THRA: variants seen among roughly 807,000 people sequenced by gnomAD.
The protein encoded by THRA is thyroid hormone receptor alpha, also known as EAR-7.
A neutral mutation model predicts 45.0 loss-of-function variants in THRA; 13 were observed. That is an observed-to-expected ratio of 0.29 (90% confidence interval 0.19 to 0.46). The LOEUF (loss-of-function observed/expected upper bound fraction) is 0.46. Among genes scored for constraint, THRA ranks in the 20% least tolerant of loss-of-function variants. THRA has a pLI of 1.00. For synonymous variants in THRA, 195 were observed against 214.0 expected, an observed-to-expected ratio of 0.91 and a Z score of 0.78; for missense variants, 278 against 556.1, an observed-to-expected ratio of 0.50 and a Z score of 5.03.
chr17:40,063,951 T>G (rs1986461021), intron 1 of THRA, among the ~76,000 whole-genome samples: 1 of 124,388 alleles, frequency 8.0e-6, no homozygotes, highest in Non-Finnish European at 1.7e-5. Flanking sequence ...GCCAGTGAGG[T>G]GGGAGCCTGC....
rs1033585080 is a variant in THRA at position 40,084,740 on chromosome 17, G to C, written c.501G>C (p.Leu167=). Residue 167 remains leucine, a synonymous_variant, in exon 6 of 9, where the codon CTG becomes CTC. Coordinates refer to ENST00000450525, the MANE Select transcript of THRA (RefSeq NM_199334.5). Reference sequence around the variant, plus strand: ...AGCCCACTCCTGAAGAGTGGGATCTGATCCACATTGCCACAGAGGCCCATC... The same window carrying C: ...AGCCCACTCCTGAAGAGTGGGATCTCATCCACATTGCCACAGAGGCCCATC... The part of the protein sequence containing the change: ...RPEPTPEEWD[L]IHIATEAHRS... 6.2e-7 allele frequency: 1 copy of C among 1,613,986 alleles called. No individual in the cohort carries two copies. Among genetic ancestry groups the C allele is most frequent in the African/African-American group, 1.3e-5 (1 of 74,904 alleles).
In THRA at chr17:40,074,331, T is replaced by G; in HGVS notation, c.-158T>G. On this transcript the variant is annotated 5_prime_UTR_variant, in exon 2 of 9. An upstream start codon of the reference 5' UTR is lost. Coordinates refer to ENST00000450525, the MANE Select transcript of THRA (RefSeq NM_199334.5). ...CCCGCCCCCCTTGGGGCGCAGGGCA[T>G]GGTGTGAAAGGCCAAGTGCTGAGGC... 4.4e-5 allele frequency: 32 copies of G among 730,580 alleles called. No individual in the cohort carries two copies. Among genetic ancestry groups the G allele is most frequent in the Non-Finnish European group, 6.2e-5 (27 of 432,516 alleles). The allele number at this position is 730,580 out of a possible 1,614,324, so 45.3% of individuals were successfully genotyped here.
intron 5 of THRA, 159 bp from the exon 6 acceptor site, chr17:40,084,451 G>A (rs185395960): frequency 2.9e-5 from 21 of 734,084 alleles, no homozygotes; most frequent in Admixed American, 1.5e-4. Flanking sequence ...ATCATGATCC[G>A]GGTTGTGCTG....
chr17:40,087,900 A>C (rs12453017), intron 7 of THRA, among the ~76,000 whole-genome samples: 1 of 152,080 alleles, frequency 6.6e-6, no homozygotes, highest in East Asian at 1.9e-4. Flanking sequence ...CTGGGACTAC[A>C]GGCATGTGCC....
chr17:40,084,942 C>CT (rs1438130343), intron 6 of THRA, 127 bp downstream of exon 6: 1 of 1,015,920 alleles, frequency 9.8e-7, no homozygotes, highest in African/African-American at 1.6e-5. Context: ...ACTCTTCACA[C>CT]TTTTGCTGTC....
chr17:40,093,787 C>T, downstream of THRA: 1 of 814,740 alleles, frequency 1.2e-6, no homozygotes, highest in South Asian at 1.6e-5. This position sits in a 1 kb window ranked among gnomAD's most constrained non-coding sequence, Gnocchi z 5.9. Context: ...TAGACTGTGT[C>T]TGAATCATGT....
In THRA at chr17:40,091,087, T is replaced by C. The variant is rs1351425911; in HGVS notation, c.*1631T>C. On this transcript the variant is annotated 3_prime_UTR_variant, in exon 9 of 9. Coordinates refer to ENST00000450525, the MANE Select transcript of THRA (RefSeq NM_199334.5). ...GCAGGGATGGATGGGTGGACACAGA[T>C]GCCCCCGGAAGCCATGGGGATTGGG... The C allele has an allele frequency of 9.1e-6, 1 of 109,682 alleles. No individual in the cohort carries two copies. Among genetic ancestry groups the C allele is most frequent in the East Asian group, 3.2e-4 (1 of 3,094 alleles). The allele number at this position is 109,682 out of a possible 1,614,324, so 6.8% of individuals were successfully genotyped here.
rs375477018 is a variant in THRA at position 40,074,577 on chromosome 17, A to C, written c.53+36A>C. On this transcript the variant is annotated intron_variant, in intron 2 of 8. Transcript: ENST00000450525. ...CAGCAACTAGGTCATGCCAACTCCT[A>C]AGCAGCAGGCATGGGCACCTGGCTG... 3 of 1,612,054 alleles carry C rather than the reference A, an allele frequency of 1.9e-6. No homozygotes were observed. The African/African-American group carries it at 4.0e-5, about 22-fold the overall frequency.
Position 40,092,373 on chromosome 17 carries a change from C to G in THRA, c.*2917C>G, listed in dbSNP as rs1987605999. Reference sequence around the variant, plus strand: ...CTACTGAATGTATGAGAAGCTGGTGCTGGGCTGGGGGGAGGGGGGTTGTGG... The same window carrying G: ...CTACTGAATGTATGAGAAGCTGGTGGTGGGCTGGGGGGAGGGGGGTTGTGG... On this transcript the variant is annotated 3_prime_UTR_variant, in exon 9 of 9. Coordinates refer to ENST00000450525, the MANE Select transcript of THRA (RefSeq NM_199334.5). The G allele has an allele frequency of 7.3e-6, 1 of 136,898 alleles. No individual in the cohort carries two copies. Among genetic ancestry groups the G allele is most frequent in the Admixed American group, 7.3e-5 (1 of 13,706 alleles). The allele number at this position is 136,898 out of a possible 1,614,324, so 8.5% of individuals were successfully genotyped here. A position where few individuals can be genotyped will look rare whatever the true frequency, so the allele number is the denominator to read the frequency against.
In THRA at chr17:40,074,216, C is replaced by T. The variant is rs1434091543; in HGVS notation, c.-273C>T. ...GGGATCTCTGGACAGGACAAGACTC[C>T]GAAGCTACTCCCCCAGCACACAGCC... is the stretch of plus-strand genomic sequence containing the variant. On this transcript the variant is annotated 5_prime_UTR_variant, in exon 2 of 9. Transcript: ENST00000450525. The T allele has an allele frequency of 4.1e-6, 2 of 493,274 alleles. No homozygotes were observed. Among genetic ancestry groups the T allele is most frequent in the Non-Finnish European group, 7.5e-6 (2 of 268,258 alleles). The allele number at this position is 493,274 out of a possible 1,614,324, so 30.6% of individuals were successfully genotyped here.
intron 1 of THRA, among the ~76,000 whole-genome samples, chr17:40,068,095 G>T (rs1309399080): frequency 6.6e-6 from 1 of 152,232 alleles, no homozygotes; most frequent in African/African-American, 2.4e-5. Flanking sequence ...AAGGTGTCTA[G>T]GGGACTTTGG....
At chr17:40,084,003 GAATA>G in intron 5 of THRA, 21 bp downstream of exon 5, 2 of 1,595,374 alleles carry the variant, frequency 1.3e-6, no homozygotes, top group South Asian at 1.1e-5. Flanking sequence ...CAGGTGGAGG[GAATA>G]GAGCCAGGTG....
intron 1 of THRA, among the ~76,000 whole-genome samples, chr17:40,073,059 A>C (rs1268867111): frequency 6.6e-6 from 1 of 152,086 alleles, no homozygotes; most frequent in African/African-American, 2.4e-5. Context: ...CAATCCCCTG[A>C]CTTATCTCCC....
chr17:40,089,129 A>C lies in THRA; in HGVS notation c.983-77A>C, dbSNP rs1598398583. The C allele has an allele frequency of 2.1e-6, 3 of 1,422,350 alleles. No individual in the cohort carries two copies. The highest frequency in any genetic ancestry group is 1.2e-5 in the South Asian group (1 of 81,664). The allele number at this position is 1,422,350 out of a possible 1,614,324, so 88.1% of individuals were successfully genotyped here. Reference sequence around the variant, plus strand: ...ATCTCCCCTCTAGTCCTTTCTTCCCACGTCCCCACACCTCACCCTCCCCAT... The same window carrying C: ...ATCTCCCCTCTAGTCCTTTCTTCCCCCGTCCCCACACCTCACCCTCCCCAT... On this transcript the variant is annotated intron_variant, in intron 8 of 8. Transcript: ENST00000450525. This position sits in a 1 kb window ranked among gnomAD's most constrained non-coding sequence, Gnocchi z 6.1.
intron 4 of THRA, among the ~76,000 whole-genome samples, chr17:40,083,495 G>C (rs1337365986): frequency 6.7e-6 from 1 of 150,182 alleles, no homozygotes; most frequent in African/African-American, 2.5e-5. Context: ...TTACATGCGT[G>C]CGCCACCGCG....
At chr17:40,074,876 C>A (rs1344589666) in intron 2 of THRA, among the ~76,000 whole-genome samples, 1 of 152,232 alleles carries the variant, frequency 6.6e-6, no homozygotes, top group Non-Finnish European at 1.5e-5. Context: ...ATCCAAACAG[C>A]CTTGCCATTT....
At chr17:40,069,897 C>A (rs1247575667) in intron 1 of THRA, among the ~76,000 whole-genome samples, 1 of 151,844 alleles carries the variant, frequency 6.6e-6, no homozygotes, top group Non-Finnish European at 1.5e-5. Flanking sequence ...GTGGGTGAGG[C>A]TATGGGGGAG....
intron 4 of THRA, among the ~76,000 whole-genome samples, chr17:40,080,788 T>C (rs1987111240): frequency 6.7e-6 from 1 of 149,494 alleles, no homozygotes; most frequent in South Asian, 2.1e-4. Flanking sequence ...AGTGGCGCGA[T>C]CTTGGCTCAC....
intron 1 of THRA, among the ~76,000 whole-genome samples, chr17:40,068,018 C>A (rs909410907): frequency 2.6e-5 from 4 of 152,176 alleles, no homozygotes; most frequent in Non-Finnish European, 5.9e-5. Flanking sequence ...AGACCCCCCA[C>A]ACACACATCC....
Sources: gnomAD v4.1 joint callset for allele counts (sites outside exome capture counted in the v4.1 genomes callset) on GRCh38, gnomAD v4.1.1 for gene constraint, Gnocchi (gnomAD v3.1) non-coding constraint, MANE v1.5 for transcripts, NCBI Gene and HGNC (gene_info 2026-07-23, HGNC 2026-07-21) for gene names.